SREK1: variants seen among roughly 807,000 people sequenced by gnomAD.
SREK1 encodes splicing regulatory glutamic acid and lysine rich protein 1, also known as splicing regulatory glutamine/lysine-rich protein 1.
SREK1 carries 13 observed loss-of-function variants against 66.5 expected under a neutral mutation model. The ratio of observed to expected loss-of-function variants is 0.20; its 90% CI spans 0.13 to 0.31. SREK1 has a LOEUF of 0.31. SREK1 is among the 10% of genes least tolerant of loss of function. The pLI, the probability that SREK1 is intolerant of heterozygous loss-of-function variation, is 1.00. For synonymous variants in SREK1, 265 were observed against 263.5 expected (o/e 1.01, Z -0.05); for missense variants, 607 against 769.6 (o/e 0.79, Z 2.50).
intron 9 of SREK1, among the ~76,000 whole-genome samples, chr5:66,172,432 A>G (rs554854481): frequency 6.6e-6 from 1 of 152,262 alleles, no homozygotes; most frequent in South Asian, 2.1e-4. Flanking sequence ...AGTCTTGCTC[A>G]TCGCCCAGGC....
At chr5:66,144,704 C>A in intron 1 of SREK1, 167 bp downstream of exon 1, 1 of 1,325,146 alleles carries the variant, frequency 7.5e-7, no homozygotes, top group Non-Finnish European at 9.9e-7. Flanking sequence ...CGCCGTCCTG[C>A]TCTCCTTAGT....
rs114494277 is a variant in SREK1 at position 66,154,070 on chromosome 5, A to G, written c.295+474A>G. Among the ~76,000 whole-genome samples the G allele has an allele frequency of 6.4e-3, 977 of 152,322 alleles. 9 individuals carry two copies. Among genetic ancestry groups the G allele is most frequent in the Non-Finnish European group, 0.01 (700 of 68,014 alleles). On this transcript the variant is annotated intron_variant, in intron 2 of 11. Coordinates refer to ENST00000334121, the MANE Select transcript of SREK1 (RefSeq NM_001077199.3). ...AAGGTAATTTACCTTAATTGTTACT[A>G]TGAGATCATTATTTTATATTCAATG...
chr5:66,168,136 A>C (rs941395683), intron 7 of SREK1: 1 of 152,060 alleles, frequency 6.6e-6, no homozygotes, highest in Non-Finnish European at 1.5e-5. Context: ...AAAAAAAAAA[A>C]ATATGGAATG....
intron 1 of SREK1, among the ~76,000 whole-genome samples, chr5:66,153,037 T>C (rs1266432747): frequency 6.6e-6 from 1 of 152,186 alleles, no homozygotes; most frequent in Non-Finnish European, 1.5e-5. Context: ...TGTTGTGAAG[T>C]TTTTTAGTGA....
chr5:66,178,506 A>G (rs994716745), intron 11 of SREK1, among the ~76,000 whole-genome samples: 2 of 152,072 alleles, frequency 1.3e-5, no homozygotes, highest in Non-Finnish European at 2.9e-5. Context: ...CTGTTCACCA[A>G]TTCTAATTTA....
intron 1 of SREK1, among the ~76,000 whole-genome samples, chr5:66,145,792 A>C (rs1743138885): frequency 6.8e-6 from 1 of 146,236 alleles, no homozygotes; most frequent in Admixed American, 7.3e-5. Context: ...ATGTAATTAG[A>C]TAACACTGTC....
intron 2 of SREK1, among the ~76,000 whole-genome samples, chr5:66,154,682 A>AT (rs1255122567): frequency 6.6e-6 from 1 of 152,120 alleles, no homozygotes; most frequent in African/African-American, 2.4e-5. Context: ...CCAGGCTCGT[A>AT]TTTTTTAAGT....
At chr5:66,154,112 A>G (rs980717745) in intron 2 of SREK1, among the ~76,000 whole-genome samples, 3 of 152,164 alleles carry the variant, frequency 2.0e-5, no homozygotes, top group African/African-American at 7.2e-5. Flanking sequence ...TTTGCTTTGC[A>G]ACTGGAATTT....
chr5:66,161,294 A>T (rs1744740334), intron 3 of SREK1, among the ~76,000 whole-genome samples: 2 of 152,094 alleles, frequency 1.3e-5, no homozygotes, highest in Non-Finnish European at 2.9e-5. Context: ...AGTAAGTAAA[A>T]TTTTTTTGAA....
chr5:66,172,259 C>T (rs1259887082), intron 9 of SREK1, among the ~76,000 whole-genome samples: 1 of 152,150 alleles, frequency 6.6e-6, no homozygotes, highest in African/African-American at 2.4e-5. Flanking sequence ...CCTTTCACAG[C>T]ACCAAATACT....
At chr5:66,144,719 T>C (rs2111890036) in intron 1 of SREK1, 182 bp downstream of exon 1, 1 of 1,295,918 alleles carries the variant, frequency 7.7e-7, no homozygotes, top group African/African-American at 1.5e-5. Flanking sequence ...CTTAGTCGGA[T>C]TTGGGGGGTT....
At chr5:66,171,129 G>T (rs141041461) in intron 9 of SREK1, among the ~76,000 whole-genome samples, 182 bp downstream of exon 9, 3 of 152,068 alleles carry the variant, frequency 2.0e-5, no homozygotes, top group Non-Finnish European at 4.4e-5. Context: ...ATGATACTGG[G>T]CAACATTATT....
At chr5:66,166,486 C>G (rs909538070) in intron 7 of SREK1, 8 of 151,940 alleles carry the variant, frequency 5.3e-5, no homozygotes, top group Non-Finnish European at 1.0e-4. Context: ...TTTTTCCCCC[C>G]CCAAGATGCA....
intron 7 of SREK1, chr5:66,168,904 A>AC (rs1297301426): frequency 6.6e-6 from 1 of 152,190 alleles, no homozygotes; most frequent in Non-Finnish European, 1.5e-5. Context: ...AGTTTTACAT[A>AC]CATCATCAGT....
intron 2 of SREK1, chr5:66,158,283 A>G (rs933116133): frequency 1.3e-5 from 2 of 151,970 alleles, no homozygotes; most frequent in African/African-American, 4.8e-5. Flanking sequence ...ACTGAGTGTT[A>G]TTAGATTATT....
At chr5:66,155,761 A>G (rs2111981754) in intron 2 of SREK1, among the ~76,000 whole-genome samples, 1 of 152,354 alleles carries the variant, frequency 6.6e-6, no homozygotes, top group African/African-American at 2.4e-5. Context: ...AAGTTGTAAA[A>G]GTAACATTTG....
chr5:66,161,511 C>A (rs1046495167), intron 3 of SREK1, among the ~76,000 whole-genome samples: 4 of 152,102 alleles, frequency 2.6e-5, no homozygotes, highest in Admixed American at 2.6e-4. Context: ...GATGGGCCCA[C>A]AAGTGTAGTG....
At chr5:66,146,530 C>A (rs1463152181) in intron 1 of SREK1, among the ~76,000 whole-genome samples, 1 of 151,976 alleles carries the variant, frequency 6.6e-6, no homozygotes, top group African/African-American at 2.4e-5. Context: ...ACACATTAAG[C>A]AAAATTGTTG....
intron 2 of SREK1, chr5:66,158,883 C>T (rs1374436518): frequency 1.5e-6 from 2 of 1,294,612 alleles, no homozygotes; most frequent in Admixed American, 2.3e-5. Context: ...CCTGGGAAAG[C>T]GTCCATGCTT....
Sources: allele counts gnomAD v4.1 joint callset (sites outside exome capture counted in the v4.1 genomes callset), GRCh38; gene constraint gnomAD v4.1.1; transcripts MANE v1.5; gene names NCBI Gene and HGNC (gene_info 2026-07-23, HGNC 2026-07-21).